The following ISY1 variants were observed in gnomAD, a reference collection of about 807,000 sequenced individuals.
ISY1 encodes pre-mRNA-splicing factor ISY1 homolog.
A neutral mutation model predicts 54.4 loss-of-function variants in ISY1; 12 were observed. The ratio of observed to expected loss-of-function variants is 0.22; its 90% CI spans 0.14 to 0.36. The LOEUF is 0.36. Ranked by LOEUF, ISY1 falls within the 10% of genes least tolerant of loss-of-function variation. ISY1 has a pLI of 1.00. For synonymous variants in ISY1, 96 were observed against 117.9 expected, an observed-to-expected ratio of 0.81 and a Z score of 1.20; for missense variants, 282 against 342.2, an observed-to-expected ratio of 0.82 and a Z score of 1.39.
intron 6 of ISY1, among the ~76,000 whole-genome samples, chr3:129,145,064 C>T (rs1157722546): frequency 6.6e-6 from 1 of 152,118 alleles, no homozygotes; most frequent in Non-Finnish European, 1.5e-5. Context: ...GCATGTGCTA[C>T]TATGCCTAGC....
intron 9 of ISY1, among the ~76,000 whole-genome samples, chr3:129,133,456 G>A (rs1487837353): frequency 1.3e-5 from 2 of 152,176 alleles, no homozygotes; most frequent in Non-Finnish European, 2.9e-5. Context: ...AGCACTTTGG[G>A]AGGCCAAGGC....
chr3:129,155,951 C>T (rs924090746), intron 5 of ISY1, among the ~76,000 whole-genome samples: 10 of 151,616 alleles, frequency 6.6e-5, no homozygotes, highest in African/African-American at 2.4e-4. Context: ...AAACCCCAGA[C>T]CTTAGGTGAT....
intron 5 of ISY1, among the ~76,000 whole-genome samples, chr3:129,156,272 A>T (rs979263351): frequency 6.6e-6 from 1 of 151,528 alleles, no homozygotes; most frequent in Admixed American, 6.6e-5. Context: ...GGTTGTGGGC[A>T]CCTGTAGTCC....
intron 5 of ISY1, among the ~76,000 whole-genome samples, chr3:129,150,647 A>G (rs1017015627): frequency 6.6e-6 from 1 of 151,818 alleles, no homozygotes; most frequent in Non-Finnish European, 1.5e-5. Flanking sequence ...TGGGGGGCGG[A>G]GCTTGCAGTG....
In ISY1 at chr3:129,149,690, T is replaced by C. The variant is rs1305631354; in HGVS notation, c.188-3817A>G. ...GCACACACTTGTAGTCCCAGCTACT[T>C]GGGAGGCTGAGGCAGGCGAATCGCT... On this transcript the variant is annotated intron_variant, in intron 5 of 10. Coordinates refer to ENST00000393295, the MANE Select transcript of ISY1 (RefSeq NM_020701.4). Among the ~76,000 whole-genome samples, 20 of 131,282 alleles carry C rather than the reference T, an allele frequency of 1.5e-4. 2 individuals are homozygous for C. Among genetic ancestry groups the C allele is most frequent in the East Asian group, 6.6e-4 (3 of 4,572 alleles). 86.1% of individuals were successfully genotyped at this position (131,282 alleles called of 152,430 possible).
chr3:129,159,033 A>C (rs2107622416), intron 2 of ISY1, 121 bp downstream of exon 2: 1 of 1,276,778 alleles, frequency 7.8e-7, no homozygotes, highest in Non-Finnish European at 1.1e-6. Flanking sequence ...AACATAACAT[A>C]TGTAAAGAAA....
At chr3:129,149,195 G>A (rs1018636745) in intron 5 of ISY1, among the ~76,000 whole-genome samples, 2 of 151,740 alleles carry the variant, frequency 1.3e-5, no homozygotes, top group Non-Finnish European at 1.5e-5. Context: ...ACTTTGGGAG[G>A]CCGAGGCAGG....
At chr3:129,133,960 A>G in intron 9 of ISY1, 114 bp downstream of exon 9, 1 of 1,529,954 alleles carries the variant, frequency 6.5e-7, no homozygotes, top group South Asian at 1.3e-5. Context: ...CCTGCAGGTG[A>G]GCAAGCTGGG....
chr3:129,156,560 AAGG>A (rs1647619164), intron 5 of ISY1, 70 bp downstream of exon 5: 1 of 1,460,382 alleles, frequency 6.8e-7, no homozygotes, highest in Non-Finnish European at 9.5e-7. Flanking sequence ...ATTATTTTGA[AAGG>A]AGTATTGAAG....
intron 7 of ISY1, among the ~76,000 whole-genome samples, chr3:129,136,502 G>GT (rs1266846978): frequency 6.6e-6 from 1 of 151,700 alleles, no homozygotes; most frequent in Non-Finnish European, 1.5e-5. Context: ...ATCCCAGCAT[G>GT]TTTTTTTCTT....
intron 3 of ISY1, among the ~76,000 whole-genome samples, chr3:129,157,189 AT>A (rs1937166967): frequency 6.6e-6 from 1 of 152,232 alleles, no homozygotes; most frequent in Non-Finnish European, 1.5e-5. Context: ...TTCATGGCAT[AT>A]TTATAGTACC....
intron 1 of ISY1, among the ~76,000 whole-genome samples, chr3:129,159,475 A>G (rs957625551): frequency 6.6e-6 from 1 of 152,034 alleles, no homozygotes; most frequent in Non-Finnish European, 1.5e-5. Flanking sequence ...TTATTCTGTG[A>G]CCCCTTCTTC....
rs1416314270 is a variant in ISY1 at position 129,158,637 on chromosome 3, G to C, written c.27-78C>G. The stretch of plus-strand genomic sequence containing the variant: ...TTCTCATTACCCATGTTCCTGTATG[G>C]GGTAGATCTGCTTATGACCATATTT... On this transcript the variant is annotated intron_variant, in intron 2 of 10. Transcript: ENST00000393295. 11 of 1,579,050 alleles carry C rather than the reference G, an allele frequency of 7.0e-6. No individual in the cohort carries two copies. In the East Asian group the frequency reaches 2.5e-4, roughly 35 times the overall value.
At chr3:129,154,495 T>G (rs1483584518) in intron 5 of ISY1, among the ~76,000 whole-genome samples, 2 of 151,096 alleles carry the variant, frequency 1.3e-5, no homozygotes, top group Non-Finnish European at 3.0e-5. Context: ...CTTTGGCAGT[T>G]TGTGTCTTGT....
At chr3:129,133,395 T>G (rs745927572) in intron 9 of ISY1, among the ~76,000 whole-genome samples, 14 of 152,192 alleles carry the variant, frequency 9.2e-5, no homozygotes, top group Non-Finnish European at 1.3e-4. Context: ...TCTTTCCATG[T>G]GTAAGACAGG....
chr3:129,154,378 T>G (rs910328140), intron 5 of ISY1, among the ~76,000 whole-genome samples: 5 of 135,662 alleles, frequency 3.7e-5, no homozygotes, highest in African/African-American at 1.4e-4. Flanking sequence ...TTGAACCCAG[T>G]GCAGTGAGCC....
At chr3:129,159,310 TAAAC>T in intron 1 of ISY1, 134 bp from the exon 2 acceptor site, 2 of 1,179,052 alleles carry the variant, frequency 1.7e-6, no homozygotes, top group Admixed American at 3.0e-5. Context: ...TGAACAACAA[TAAAC>T]AAAAATCAAA....
rs528257245 is a variant in ISY1, at chr3:129,154,153, A to G, written c.187+2480T>C. On this transcript the variant is annotated intron_variant, in intron 5 of 10. Transcript: ENST00000393295. Reference sequence around the variant, plus strand: ...GCTACGCGGGAGGCTGAGGCAGGAGAATGGCGTGAACCCCGGGGGGCGGAG... The same window carrying G: ...GCTACGCGGGAGGCTGAGGCAGGAGGATGGCGTGAACCCCGGGGGGCGGAG... 2.6e-5 allele frequency among the ~76,000 whole-genome samples: 4 copies of G among 151,568 alleles called. No individual in the cohort carries two copies. In the South Asian group the frequency reaches 8.4e-4, roughly 32 times the overall value.
Position 129,128,740 on chromosome 3 carries a change from C to G in ISY1, c.*1341G>C, listed in dbSNP as rs566388140. The G allele has an allele frequency of 1.3e-5, 2 of 153,122 alleles. No homozygotes were observed. Among genetic ancestry groups the G allele is most frequent in the Admixed American group, 6.5e-5 (1 of 15,304 alleles). 9.5% of individuals were successfully genotyped at this position (153,122 alleles called of 1,614,324 possible). A position where few individuals can be genotyped will look rare whatever the true frequency, so the allele number is the denominator to read the frequency against. On this transcript the variant is annotated 3_prime_UTR_variant, in exon 11 of 11. Transcript: ENST00000393295. ...AGAGTTCCTCCTATTCCCAAACAGC[C>G]TGAGCTGGAGCCCCAGGCCCCAGGA...
Sources: gnomAD v4.1 joint callset for allele counts (sites outside exome capture counted in the v4.1 genomes callset) on GRCh38, gnomAD v4.1.1 for gene constraint, MANE v1.5 for transcripts, NCBI Gene and HGNC (gene_info 2026-07-23, HGNC 2026-07-21) for gene names.